Variants in FAM227B observed in about 807,000 individuals in gnomAD.
The protein encoded by FAM227B is protein FAM227B.
FAM227B carries 88 observed loss-of-function variants against 73.8 expected under a neutral mutation model. The ratio of observed to expected loss-of-function variants is 1.19; its 90% CI spans 1.00 to 1.42. The LOEUF is 1.42. Ranked by LOEUF, FAM227B falls within the 40% of genes most tolerant of loss-of-function variation. FAM227B has a pLI of 0.00. For missense variants in FAM227B, 632 were observed against 590.9 expected (o/e 1.07, Z -0.72); for synonymous variants, 210 against 190.5 (o/e 1.10, Z -0.84).
chr15:49,437,902 C>A (rs1486386291), intron 11 of FAM227B, among the ~76,000 whole-genome samples: 1 of 151,530 alleles, frequency 6.6e-6, no homozygotes, highest in African/African-American at 2.4e-5. Flanking sequence ...CTAACAGAAC[C>A]TGGGAGAGAA....
chr15:49,450,000 T>G (rs1365746617), intron 11 of FAM227B, among the ~76,000 whole-genome samples: 1 of 152,114 alleles, frequency 6.6e-6, no homozygotes, highest in Non-Finnish European at 1.5e-5. Context: ...TGATGCGCCA[T>G]TCATACAAAT....
intron 11 of FAM227B, among the ~76,000 whole-genome samples, chr15:49,444,017 A>G (rs2051937832): frequency 6.6e-6 from 1 of 151,716 alleles, no homozygotes; most frequent in South Asian, 2.1e-4. Context: ...GTAAATAAAC[A>G]CATCAGAATA....
intron 9 of FAM227B, among the ~76,000 whole-genome samples, chr15:49,552,264 G>A (rs1356699531): frequency 6.6e-6 from 1 of 152,034 alleles, no homozygotes. Context: ...TACTACTTTG[G>A]GTAAATGTTT....
intron 9 of FAM227B, among the ~76,000 whole-genome samples, chr15:49,546,694 T>C (rs1467545751): frequency 6.6e-6 from 1 of 152,192 alleles, no homozygotes; most frequent in East Asian, 1.9e-4. Context: ...TTGATTTGCA[T>C]TTCTCTGATG....
chr15:49,396,649 T>G (rs1373202395), intron 11 of FAM227B, among the ~76,000 whole-genome samples: 10 of 151,954 alleles, frequency 6.6e-5, no homozygotes, highest in Non-Finnish European at 1.0e-4. Flanking sequence ...GCTGGAGATC[T>G]GAGAACGGGC....
chr15:49,378,529 CT>C (rs1404494140), intron 11 of FAM227B, among the ~76,000 whole-genome samples: 1 of 151,844 alleles, frequency 6.6e-6, no homozygotes, highest in East Asian at 1.9e-4. Context: ...TCCTTCACTT[CT>C]TTGATAATTC....
At chr15:49,392,569 A>C (rs1239623744) in intron 11 of FAM227B, among the ~76,000 whole-genome samples, 1 of 152,192 alleles carries the variant, frequency 6.6e-6, no homozygotes, top group Non-Finnish European at 1.5e-5. Flanking sequence ...GACCACCCTG[A>C]GTGTCCTTAC....
At chr15:49,449,120 G>T (rs914549235) in intron 11 of FAM227B, among the ~76,000 whole-genome samples, 2 of 151,942 alleles carry the variant, frequency 1.3e-5, no homozygotes, top group African/African-American at 2.4e-5. Flanking sequence ...AGACTTGAAT[G>T]ATACCTTCAG....
At chr15:49,619,971 T>C (rs115412109) in intron 1 of FAM227B, among the ~76,000 whole-genome samples, 1,676 of 152,370 alleles carry the variant, frequency 0.011, 34 homozygotes, top group African/African-American at 0.039. Context: ...CTAAATTTAC[T>C]TACATGCGCT....
At position 49,464,128 on chromosome 15, in the gene FAM227B, T is replaced by C. The variant is rs552049423; in HGVS notation, c.1012+44083A>G. Among the ~76,000 whole-genome samples, 7 of 152,234 alleles carry C rather than the reference T, an allele frequency of 4.6e-5. No homozygotes were observed. In the South Asian group the frequency reaches 1.2e-3, roughly 27 times the overall value. On this transcript the variant is annotated intron_variant, in intron 11 of 15. Coordinates refer to ENST00000299338, the MANE Select transcript of FAM227B (RefSeq NM_152647.3). ...CTACTGTGATAAGCCTCATGAAGGATGGGTTAGGCAGGGGATGGATTTTCT... is the reference window on the plus strand; with the variant it reads ...CTACTGTGATAAGCCTCATGAAGGACGGGTTAGGCAGGGGATGGATTTTCT...
At chr15:49,429,194 T>C (rs2151773725) in intron 11 of FAM227B, among the ~76,000 whole-genome samples, 1 of 152,052 alleles carries the variant, frequency 6.6e-6, no homozygotes, top group South Asian at 2.1e-4. Flanking sequence ...AAGTAACATA[T>C]CTACGCAGTC....
intron 2 of FAM227B, among the ~76,000 whole-genome samples, chr15:49,612,827 GA>G (rs1442712756): frequency 1.3e-5 from 2 of 152,022 alleles, no homozygotes; most frequent in Non-Finnish European, 1.5e-5. Flanking sequence ...TGAATTGGGG[GA>G]TATTTCATTC....
At chr15:49,362,268 C>T (rs2151416279) in intron 13 of FAM227B, among the ~76,000 whole-genome samples, 1 of 152,226 alleles carries the variant, frequency 6.6e-6, no homozygotes, top group Non-Finnish European at 1.5e-5. Flanking sequence ...TGAAAGTTCT[C>T]ATGAGATACG....
At chr15:49,455,003 G>A (rs576886190) in intron 11 of FAM227B, among the ~76,000 whole-genome samples, 1 of 152,266 alleles carries the variant, frequency 6.6e-6, no homozygotes, top group South Asian at 2.1e-4. Flanking sequence ...ATGGAAAACA[G>A]GTACCTTGCC....
At chr15:49,533,452 A>G (rs1020396203) in intron 10 of FAM227B, among the ~76,000 whole-genome samples, 2 of 151,726 alleles carry the variant, frequency 1.3e-5, no homozygotes, top group African/African-American at 2.4e-5. Context: ...AAATCTATCA[A>G]TTTTTGAAAA....
chr15:49,535,712 A>T (rs1354999942), intron 10 of FAM227B, among the ~76,000 whole-genome samples: 1 of 151,880 alleles, frequency 6.6e-6, no homozygotes, highest in Non-Finnish European at 1.5e-5. Context: ...AAGATTATAC[A>T]TCATCACTAA....
intron 1 of FAM227B, among the ~76,000 whole-genome samples, chr15:49,615,746 G>T (rs954965594): frequency 6.6e-6 from 1 of 152,154 alleles, no homozygotes; most frequent in South Asian, 2.1e-4. Context: ...CAGCAGGGGA[G>T]GAAGGGCTGG....
intron 13 of FAM227B, among the ~76,000 whole-genome samples, chr15:49,357,781 CA>C (rs925412132): frequency 6.6e-6 from 1 of 151,750 alleles, no homozygotes. Context: ...AGAGACACAA[CA>C]AAAAAAGAGA....
intron 8 of FAM227B, among the ~76,000 whole-genome samples, chr15:49,569,828 T>C (rs1319175201): frequency 6.6e-6 from 1 of 151,994 alleles, no homozygotes; most frequent in Non-Finnish European, 1.5e-5. Context: ...TCTACTTCTG[T>C]GAGTTCAACT....
Sources: gnomAD v4.1 joint callset for allele counts (sites outside exome capture counted in the v4.1 genomes callset) on GRCh38, gnomAD v4.1.1 for gene constraint, MANE v1.5 for transcripts, NCBI Gene and HGNC (gene_info 2026-07-23, HGNC 2026-07-21) for gene names.